The following NAALADL2 variants were observed in gnomAD, a reference collection of about 807,000 sequenced individuals.
NAALADL2 encodes inactive N-acetylated-alpha-linked acidic dipeptidase-like protein 2.
A neutral mutation model predicts 87.2 loss-of-function variants in NAALADL2; 76 were observed. That is an observed-to-expected ratio of 0.87 (90% confidence interval 0.72 to 1.05). The LOEUF is 1.05. Ranked by LOEUF, NAALADL2 falls within the 50% of genes least tolerant of loss-of-function variation. The pLI is 0.00. For missense variants in NAALADL2, 1,089 were observed against 945.8 expected, an observed-to-expected ratio of 1.15 and a Z score of -1.99; for synonymous variants, 354 against 331.0, an observed-to-expected ratio of 1.07 and a Z score of -0.75.
In NAALADL2 at chr3:175,003,934, G is replaced by A. The variant is rs139688818; in HGVS notation, c.44-92856G>A. On this transcript the variant is annotated intron_variant, in intron 1 of 13. Transcript: ENST00000454872. ...GACTTCGAAGACAGAAAACAACAATGAGACAGATGACTGGAGGAAACATTT... is the reference window on the plus strand; with the variant it reads ...GACTTCGAAGACAGAAAACAACAATAAGACAGATGACTGGAGGAAACATTT... 1.8e-3 allele frequency among the ~76,000 whole-genome samples: 272 copies of A among 152,224 alleles called. 2 individuals are homozygous for A. The highest frequency in any genetic ancestry group is 6.1e-3 in the African/African-American group (255 of 41,560).
intron 2 of NAALADL2, among the ~76,000 whole-genome samples, chr3:174,639,030 T>C (rs1722921614): frequency 6.6e-6 from 1 of 152,144 alleles, no homozygotes; most frequent in South Asian, 2.1e-4. Context: ...TGCTCTGACT[T>C]TTGGAATTCT....
chr3:174,705,732 G>A (rs543424508), intron 2 of NAALADL2, among the ~76,000 whole-genome samples: 41 of 145,636 alleles, frequency 2.8e-4, no homozygotes, highest in African/African-American at 9.4e-4. Context: ...GCAGTGAGCC[G>A]AGATCGCGCC....
intron 2 of NAALADL2, among the ~76,000 whole-genome samples, chr3:174,670,413 C>A (rs1219473360): frequency 6.6e-6 from 1 of 151,888 alleles, no homozygotes; most frequent in African/African-American, 2.4e-5. Flanking sequence ...CTGTACTTTT[C>A]TTTTTCCATT....
intron 4 of NAALADL2, among the ~76,000 whole-genome samples, chr3:175,303,126 T>A (rs1757293668): frequency 6.6e-6 from 1 of 152,060 alleles, no homozygotes; most frequent in Non-Finnish European, 1.5e-5. Context: ...ACATGAGATT[T>A]GAAAACAGAC....
intron 2 of NAALADL2, among the ~76,000 whole-genome samples, chr3:174,697,328 A>C (rs1380989230): frequency 6.6e-6 from 1 of 152,236 alleles, no homozygotes; most frequent in Non-Finnish European, 1.5e-5. Context: ...ACAACATAAA[A>C]GGCATAATCA....
intron 3 of NAALADL2, among the ~76,000 whole-genome samples, chr3:174,848,271 G>A (rs904681031): frequency 6.6e-6 from 1 of 151,748 alleles, no homozygotes. Context: ...GTCTTCCTTT[G>A]AAAATCAGAA....
chr3:175,350,485 A>G (rs1473595406), intron 5 of NAALADL2, among the ~76,000 whole-genome samples: 1 of 152,324 alleles, frequency 6.6e-6, no homozygotes, highest in East Asian at 1.9e-4. Flanking sequence ...AACATGTTTC[A>G]AAGGACTCAA....
At chr3:175,571,470 T>G (rs753735523) in intron 9 of NAALADL2, among the ~76,000 whole-genome samples, 34 of 152,276 alleles carry the variant, frequency 2.2e-4, no homozygotes, top group Non-Finnish European at 4.1e-4. Context: ...GCTGCCAACC[T>G]CCCCTCTTCC....
At chr3:175,199,842 ATATATATATATATATATATATATTTTTTT>A (rs1162480891) in intron 2 of NAALADL2, among the ~76,000 whole-genome samples, 65 of 16,308 alleles carry the variant, frequency 4.0e-3, no homozygotes, top group African/African-American at 1.0e-2. Flanking sequence ...ATATATATAT[ATATATATATATATATATATATATTTTTTT>A]TTTTTTTTTT....
At chr3:175,704,082 C>T (rs1381407845) in intron 11 of NAALADL2, among the ~76,000 whole-genome samples, 3 of 152,082 alleles carry the variant, frequency 2.0e-5, no homozygotes, top group African/African-American at 7.2e-5. Flanking sequence ...ACTTTCTTTC[C>T]TCTTTTTCCA....
rs532312885 is a variant in NAALADL2 at position 175,558,103 on chromosome 3, G to A, written c.1654-17938G>A. On this transcript the variant is annotated intron_variant, in intron 9 of 13. Coordinates refer to ENST00000454872, the MANE Select transcript of NAALADL2 (RefSeq NM_207015.3). ...CCAGCTACTTGGGAGGCTGAGGCAGGAGAATGGCGTGAACCCGGGAGGCGG... is the reference window on the plus strand; with the variant it reads ...CCAGCTACTTGGGAGGCTGAGGCAGAAGAATGGCGTGAACCCGGGAGGCGG... Among the ~76,000 whole-genome samples the A allele has an allele frequency of 1.6e-3, 234 of 148,946 alleles. 1 individual carries two copies. Among genetic ancestry groups the A allele is most frequent in the Non-Finnish European group, 2.1e-3 (145 of 67,648 alleles).
At chr3:175,309,452 C>T (rs936127310) in intron 4 of NAALADL2, among the ~76,000 whole-genome samples, 1 of 151,968 alleles carries the variant, frequency 6.6e-6, no homozygotes, top group Non-Finnish European at 1.5e-5. Context: ...TACCAAAGTT[C>T]TGGGATTACA....
chr3:175,521,383 A>G (rs1334091200), intron 9 of NAALADL2, among the ~76,000 whole-genome samples: 1 of 152,124 alleles, frequency 6.6e-6, no homozygotes, highest in Non-Finnish European at 1.5e-5. Flanking sequence ...TGTTCAAAAT[A>G]TATACAATTT....
chr3:174,807,899 GAT>G (rs1440702557), intron 3 of NAALADL2, among the ~76,000 whole-genome samples: 2 of 151,754 alleles, frequency 1.3e-5, no homozygotes, highest in African/African-American at 4.8e-5. Context: ...GAGAGAGAGA[GAT>G]ATGCAGTGGC....
At chr3:174,843,642 C>A (rs1724266535) in intron 3 of NAALADL2, among the ~76,000 whole-genome samples, 2 of 152,066 alleles carry the variant, frequency 1.3e-5, no homozygotes, top group South Asian at 4.1e-4. Context: ...CTCTATTAAT[C>A]TGTAATCCCA....
chr3:174,859,719 C>T (rs562803694), intron 1 of NAALADL2, among the ~76,000 whole-genome samples: 1 of 152,092 alleles, frequency 6.6e-6, no homozygotes, highest in African/African-American at 2.4e-5. Context: ...GTATGGAAAG[C>T]TTTATCCTTA....
At chr3:175,113,407 T>C (rs1379268013) in intron 2 of NAALADL2, among the ~76,000 whole-genome samples, 2 of 151,592 alleles carry the variant, frequency 1.3e-5, no homozygotes, top group Admixed American at 6.6e-5. Flanking sequence ...AATCAAAATC[T>C]CCTGCCCAAT....
chr3:174,576,294 G>A (rs1715523009), intron 2 of NAALADL2, among the ~76,000 whole-genome samples: 1 of 152,088 alleles, frequency 6.6e-6, no homozygotes, highest in African/African-American at 2.4e-5. Flanking sequence ...TGTTAAGAAG[G>A]AAAATTACAT....
At chr3:175,199,865 T>TATATATATATATA (rs1491567315) in intron 2 of NAALADL2, among the ~76,000 whole-genome samples, 1 of 8,612 alleles carries the variant, frequency 1.2e-4, no homozygotes, top group African/African-American at 4.1e-4. Flanking sequence ...TATATATATA[T>TATATATATATATA]TTTTTTTTTT....
Sources: gnomAD v4.1 joint callset for allele counts (sites outside exome capture counted in the v4.1 genomes callset) on GRCh38, gnomAD v4.1.1 for gene constraint, MANE v1.5 for transcripts, NCBI Gene and HGNC (gene_info 2026-07-23, HGNC 2026-07-21) for gene names.